Variants in TGS1 observed in about 807,000 individuals in gnomAD.
TGS1 encodes trimethylguanosine synthase.
TGS1 carries 69 observed loss-of-function variants against 92.2 expected under a neutral mutation model. The observed-to-expected ratio is 0.75, with a 90% confidence interval of 0.62 to 0.91. The LOEUF (loss-of-function observed/expected upper bound fraction) is 0.91. TGS1 is among the 40% of genes least tolerant of loss of function. The pLI, the probability that TGS1 is intolerant of heterozygous loss-of-function variation, is 0.00. For synonymous variants in TGS1, 345 were observed against 338.1 expected (o/e 1.02, Z -0.22); for missense variants, 1,062 against 1,001.2 (o/e 1.06, Z -0.82).
At chr8:55,794,225 T>C (rs538866870) in intron 6 of TGS1, among the ~76,000 whole-genome samples, 24 of 152,222 alleles carry the variant, frequency 1.6e-4, no homozygotes, top group African/African-American at 5.5e-4. Flanking sequence ...CAGTGCTGTT[T>C]TAAGTTTTTT....
intron 10 of TGS1, among the ~76,000 whole-genome samples, chr8:55,810,265 T>G (rs1803302821): frequency 6.6e-6 from 1 of 152,250 alleles, no homozygotes; most frequent in Non-Finnish European, 1.5e-5. Context: ...ATGTCTATGT[T>G]GCTAATTATA....
chr8:55,826,224 T>C lies in TGS1; in HGVS notation c.*1521T>C, dbSNP rs1182356201. 2.0e-5 allele frequency among the ~76,000 whole-genome samples: 3 copies of C among 152,302 alleles called. No homozygotes were observed. Among genetic ancestry groups the C allele is most frequent in the African/African-American group, 7.2e-5 (3 of 41,540 alleles). ...CAGATTTCCAAAATCACTAATTTTT[T>C]TTAGTTTTTTGTCACTTAACCTTTC... On this transcript the variant is annotated 3_prime_UTR_variant, in exon 13 of 13. Coordinates refer to ENST00000260129, the MANE Select transcript of TGS1 (RefSeq NM_024831.8).
intron 12 of TGS1, among the ~76,000 whole-genome samples, chr8:55,817,591 T>A (rs951498435): frequency 1.3e-5 from 2 of 152,214 alleles, no homozygotes; most frequent in Non-Finnish European, 1.5e-5. Flanking sequence ...GAAGATTGGG[T>A]CCTAACTGGT....
chr8:55,774,745 T>G (rs1286191241), intron 1 of TGS1, among the ~76,000 whole-genome samples: 1 of 152,216 alleles, frequency 6.6e-6, no homozygotes, highest in Non-Finnish European at 1.5e-5. Context: ...CTTGGTTGAT[T>G]ATAGTTATAA....
Position 55,786,900 on chromosome 8 carries a change from C to T in TGS1, c.1002C>T (p.Ser334=). The part of the protein sequence containing the change: ...IKLNSEEVTQ[S]QLDSCTSHDG... ...TGAATTCAGAGGAAGTAACACAGAG[C>T]CAATTAGATTCCTGTACAAGTCATG... Residue 334 remains serine, a synonymous_variant, in exon 4 of 13, where the codon AGC becomes AGT. Coordinates refer to ENST00000260129, the MANE Select transcript of TGS1 (RefSeq NM_024831.8). 6.2e-7 allele frequency: 1 copy of T among 1,614,040 alleles called. No individual in the cohort carries two copies. Among genetic ancestry groups the T allele is most frequent in the Non-Finnish European group, 8.5e-7 (1 of 1,179,986 alleles).
At chr8:55,790,140 A>T in intron 4 of TGS1, 42 bp from the exon 5 acceptor site, 1 of 1,506,552 alleles carries the variant, frequency 6.6e-7, no homozygotes, top group Non-Finnish European at 9.2e-7. Flanking sequence ...AAAGTTGTCA[A>T]ACCAAGGGGG....
chr8:55,810,183 A>G (rs1000582963), intron 10 of TGS1, among the ~76,000 whole-genome samples: 8 of 152,266 alleles, frequency 5.3e-5, no homozygotes, highest in South Asian at 2.1e-4. Flanking sequence ...GAATACTGCC[A>G]TTAACACAGT....
chr8:55,810,809 C>T (rs777310651), intron 10 of TGS1, 72 bp from the exon 11 acceptor site: 222 of 1,289,724 alleles, frequency 1.7e-4, no homozygotes, highest in Non-Finnish European at 2.4e-4. Context: ...ACAGACTATT[C>T]GAAAGACAAA....
intron 8 of TGS1, among the ~76,000 whole-genome samples, chr8:55,800,276 A>G (rs1170484752): frequency 6.6e-6 from 1 of 152,134 alleles, no homozygotes; most frequent in East Asian, 1.9e-4. Context: ...ATAATAACCG[A>G]TGTTCATATG....
chr8:55,817,549 A>G (rs1361976656), intron 12 of TGS1, among the ~76,000 whole-genome samples: 1 of 152,182 alleles, frequency 6.6e-6, no homozygotes, highest in Non-Finnish European at 1.5e-5. Flanking sequence ...AAATATTCTA[A>G]GTAGTTATAG....
rs769091790 is a variant in TGS1, at chr8:55,795,993, A to C, written c.1383A>C (p.Pro461=). Reference sequence around the variant, plus strand: ...TCTGTCACAGATATGGTGGAATCCCAAATTTCAGTCATCGGCAGGTCAGGT... The same window carrying C: ...TCTGTCACAGATATGGTGGAATCCCCAATTTCAGTCATCGGCAGGTCAGGT... ...YGSGQKYGGI[P]NFSHRQVRYL... The change falls in exon 7 of 13, where the codon CCA becomes CCC. Residue 461 remains proline, a synonymous_variant. Coordinates refer to ENST00000260129, the MANE Select transcript of TGS1 (RefSeq NM_024831.8). 4.3e-6 allele frequency: 7 copies of C among 1,613,378 alleles called. No individual in the cohort carries two copies. The South Asian group carries it at 6.6e-5, about 15-fold the overall frequency.
At chr8:55,807,521 CT>C (rs1351633047) in intron 10 of TGS1, among the ~76,000 whole-genome samples, 1 of 140,680 alleles carries the variant, frequency 7.1e-6, no homozygotes, top group Non-Finnish European at 1.5e-5. Flanking sequence ...TTTTTTTTTG[CT>C]TTTTTCTTGT....
intron 12 of TGS1, among the ~76,000 whole-genome samples, chr8:55,822,112 C>G (rs1281831991): frequency 1.3e-5 from 2 of 151,040 alleles, no homozygotes; most frequent in Admixed American, 6.6e-5. Flanking sequence ...CTCTGTCGCC[C>G]AGGCTGGAGT....
In TGS1 at chr8:55,806,343, C is replaced by G. The variant is rs1166803465; in HGVS notation, c.2143+1307C>G. 1.6e-4 allele frequency among the ~76,000 whole-genome samples: 18 copies of G among 115,816 alleles called. No homozygotes were observed. The Admixed American group carries it at 2.3e-3, about 15-fold the overall frequency. 76.0% of individuals were successfully genotyped at this position (115,816 alleles called of 152,430 possible). On this transcript the variant is annotated intron_variant, in intron 10 of 12. Transcript: ENST00000260129. Reference sequence around the variant, plus strand: ...CTGCATTCCAGCCTGGGCAACAGAGCGAGACTCCACCTCAAAAAAAAAAAA... The same window carrying G: ...CTGCATTCCAGCCTGGGCAACAGAGGGAGACTCCACCTCAAAAAAAAAAAA...
chr8:55,815,946 AT>A (rs1410009309), intron 12 of TGS1, among the ~76,000 whole-genome samples: 8 of 145,974 alleles, frequency 5.5e-5, no homozygotes, highest in South Asian at 4.2e-4. Flanking sequence ...TTATTTATTT[AT>A]TTTATTTATT....
At chr8:55,789,195 C>T (rs1432862541) in intron 4 of TGS1, among the ~76,000 whole-genome samples, 8 of 152,184 alleles carry the variant, frequency 5.3e-5, no homozygotes, top group Admixed American at 5.2e-4. Flanking sequence ...CCACTGTCTA[C>T]CCTGCAGACA....
chr8:55,788,376 A>C (rs67918432), intron 4 of TGS1, among the ~76,000 whole-genome samples: 17,310 of 150,694 alleles, frequency 0.11, 1,190 homozygotes, highest in Middle Eastern at 0.17. Flanking sequence ...TTTTCTCTAT[A>C]TTCTTAGATT....
At chr8:55,820,301 CTT>C (rs1377791713) in intron 12 of TGS1, among the ~76,000 whole-genome samples, 3 of 152,194 alleles carry the variant, frequency 2.0e-5, no homozygotes, top group East Asian at 1.9e-4. Flanking sequence ...AATCCCAACA[CTT>C]TGAGAGGCCG....
intron 1 of TGS1, among the ~76,000 whole-genome samples, chr8:55,780,436 C>T (rs1811531698): frequency 6.6e-6 from 1 of 152,060 alleles, no homozygotes; most frequent in African/African-American, 2.4e-5. Flanking sequence ...GCAGGAGTGC[C>T]ACAGAAATGA....
Sources: gnomAD v4.1 joint callset for allele counts (sites outside exome capture counted in the v4.1 genomes callset) on GRCh38, gnomAD v4.1.1 for gene constraint, MANE v1.5 for transcripts, NCBI Gene and HGNC (gene_info 2026-07-23, HGNC 2026-07-21) for gene names.